DAPP1: variants seen among roughly 807,000 people sequenced by gnomAD.
DAPP1 encodes the protein dual adaptor of phosphotyrosine and 3-phosphoinositides 1.
Under a neutral mutation model 41.5 loss-of-function variants are expected in DAPP1, and 20 were observed. The observed-to-expected ratio is 0.48, with a 90% confidence interval of 0.34 to 0.70. DAPP1 has a LOEUF of 0.70. DAPP1 is among the 30% of genes least tolerant of loss of function. The pLI, the probability that DAPP1 is intolerant of heterozygous loss-of-function variation, is 0.01. For missense variants in DAPP1, 233 were observed against 333.4 expected, an observed-to-expected ratio of 0.70 and a Z score of 2.35; for synonymous variants, 113 against 116.2, an observed-to-expected ratio of 0.97 and a Z score of 0.18.
At chr4:99,825,783 G>T (rs1054551424) in intron 1 of DAPP1, among the ~76,000 whole-genome samples, 1 of 152,098 alleles carries the variant, frequency 6.6e-6, no homozygotes, top group African/African-American at 2.4e-5. Context: ...TTTGAACAGG[G>T]TCCATTGCTA....
At chr4:99,859,486 A>G (rs1375376072) in intron 4 of DAPP1, among the ~76,000 whole-genome samples, 4 of 152,136 alleles carry the variant, frequency 2.6e-5, no homozygotes, top group African/African-American at 7.2e-5. Flanking sequence ...TTACATCTGT[A>G]TTTATCTGTC....
At chr4:99,835,231 A>G (rs1376139163) in intron 1 of DAPP1, among the ~76,000 whole-genome samples, 2 of 151,960 alleles carry the variant, frequency 1.3e-5, no homozygotes, top group Admixed American at 6.5e-5. Context: ...CCGGTCTCGA[A>G]CCCCTGACCT....
intron 3 of DAPP1, among the ~76,000 whole-genome samples, chr4:99,842,423 G>C (rs17029585): frequency 0.019 from 2,941 of 152,140 alleles, 102 homozygotes; most frequent in African/African-American, 0.067. Context: ...TCCTGCTTTC[G>C]GCCCCTCGTG....
At chr4:99,860,626 G>T (rs1052171888) in intron 4 of DAPP1, among the ~76,000 whole-genome samples, 1 of 152,088 alleles carries the variant, frequency 6.6e-6, no homozygotes, top group Non-Finnish European at 1.5e-5. Flanking sequence ...TGGTAGAGAT[G>T]GTTGTTCCTC....
At chr4:99,832,523 A>G (rs1255748269) in intron 1 of DAPP1, among the ~76,000 whole-genome samples, 1 of 152,186 alleles carries the variant, frequency 6.6e-6, no homozygotes, top group African/African-American at 2.4e-5. Context: ...AAAGCTCTAT[A>G]CTGGGCTTGC....
At chr4:99,817,337 GTTGC>G (rs1722623002) in intron 1 of DAPP1, among the ~76,000 whole-genome samples, 1 of 152,182 alleles carries the variant, frequency 6.6e-6, no homozygotes, top group South Asian at 2.1e-4. Flanking sequence ...CTTCCTTGAT[GTTGC>G]TCTGGTTTAT....
chr4:99,830,384 G>GA (rs139695851), intron 1 of DAPP1, among the ~76,000 whole-genome samples: 13,121 of 146,840 alleles, frequency 0.089, 720 homozygotes, highest in African/African-American at 0.15. Context: ...CTCTATCTAG[G>GA]AAAAAAAAAA....
chr4:99,871,847 C>T (rs1724634109), downstream of DAPP1, among the ~76,000 whole-genome samples: 1 of 152,210 alleles, frequency 6.6e-6, no homozygotes, highest in African/African-American at 2.4e-5. Context: ...TCTAAAAGAG[C>T]TATTTCACCA....
At chr4:99,851,328 T>C (rs1157974549) in intron 3 of DAPP1, among the ~76,000 whole-genome samples, 3 of 152,100 alleles carry the variant, frequency 2.0e-5, no homozygotes, top group African/African-American at 7.2e-5. Flanking sequence ...AATGCTGCAA[T>C]GCCAATGAGA....
chr4:99,839,464 G>C (rs1723423516), intron 2 of DAPP1, among the ~76,000 whole-genome samples: 1 of 150,978 alleles, frequency 6.6e-6, no homozygotes, highest in African/African-American at 2.4e-5. Context: ...CAAAAATGAA[G>C]TGGAAAATGA....
At chr4:99,817,093 T>C in intron 1 of DAPP1, 79 bp downstream of exon 1, 1 of 1,106,622 alleles carries the variant, frequency 9.0e-7, no homozygotes, top group Non-Finnish European at 1.3e-6. Context: ...CTTTGATTAA[T>C]GACTATCTTC....
chr4:99,838,266 A>G (rs1387361742), intron 2 of DAPP1, among the ~76,000 whole-genome samples: 1 of 152,242 alleles, frequency 6.6e-6, no homozygotes, highest in East Asian at 1.9e-4. Flanking sequence ...ATTGATTTTC[A>G]TTGCAAGCAC....
chr4:99,838,501 G>A (rs914362815), intron 2 of DAPP1, among the ~76,000 whole-genome samples: 2 of 152,122 alleles, frequency 1.3e-5, no homozygotes, highest in Non-Finnish European at 2.9e-5. Flanking sequence ...TGGAAAATGC[G>A]GGTTCAGGAT....
At chr4:99,834,326 C>A (rs896331557) in intron 1 of DAPP1, among the ~76,000 whole-genome samples, 4 of 152,064 alleles carry the variant, frequency 2.6e-5, no homozygotes, top group Non-Finnish European at 5.9e-5. Flanking sequence ...AGGAAAGGAA[C>A]AGGGAGCCTG....
chr4:99,834,273 T>G (rs529399763), intron 1 of DAPP1, among the ~76,000 whole-genome samples: 6 of 152,298 alleles, frequency 3.9e-5, no homozygotes, highest in African/African-American at 1.2e-4. Flanking sequence ...GTAGACTATC[T>G]CTTAAGAGGA....
chr4:99,859,682 C>A (rs889516162), intron 4 of DAPP1, among the ~76,000 whole-genome samples: 2 of 152,168 alleles, frequency 1.3e-5, no homozygotes. Flanking sequence ...TACCCCGACA[C>A]TCCAACCACC....
intron 2 of DAPP1, among the ~76,000 whole-genome samples, chr4:99,839,224 G>C (rs892708850): frequency 6.7e-6 from 1 of 148,768 alleles, no homozygotes; most frequent in African/African-American, 2.5e-5. Flanking sequence ...GCAGCAAGCT[G>C]GGTTCTCACA....
intron 3 of DAPP1, chr4:99,844,496 A>T (rs761417325): frequency 9.9e-5 from 15 of 152,192 alleles, no homozygotes; most frequent in Non-Finnish European, 1.6e-4. Context: ...AGTTTCATAT[A>T]TATAGTCTTG....
chr4:99,838,271 A>C (rs546240300), intron 2 of DAPP1, among the ~76,000 whole-genome samples: 21 of 152,320 alleles, frequency 1.4e-4, no homozygotes, highest in African/African-American at 5.1e-4. Flanking sequence ...TTTTCATTGC[A>C]AGCACTAGAG....
Sources: gnomAD v4.1 joint callset for allele counts (sites outside exome capture counted in the v4.1 genomes callset) on GRCh38, gnomAD v4.1.1 for gene constraint, MANE v1.5 for transcripts, NCBI Gene and HGNC (gene_info 2026-07-23, HGNC 2026-07-21) for gene names.